CACNA2D4: variants seen among roughly 807,000 people sequenced by gnomAD.
CACNA2D4 encodes calcium voltage-gated channel auxiliary subunit alpha2delta 4.
CACNA2D4 carries 157 observed loss-of-function variants against 163.8 expected under a neutral mutation model. That is an observed-to-expected ratio of 0.96 (90% confidence interval 0.84 to 1.09). CACNA2D4 has a LOEUF of 1.09. CACNA2D4 is among the 50% of genes least tolerant of loss of function. The pLI, the probability that CACNA2D4 is intolerant of heterozygous loss-of-function variation, is 0.00. For missense variants in CACNA2D4, 1,410 were observed against 1,479.9 expected, an observed-to-expected ratio of 0.95 and a Z score of 0.78; for synonymous variants, 598 against 586.9, an observed-to-expected ratio of 1.02 and a Z score of -0.27.
At chr12:1,914,717 C>T in intron 2 of CACNA2D4, 137 bp downstream of exon 2, 1 of 646,328 alleles carries the variant, frequency 1.5e-6, no homozygotes. Flanking sequence ...ATTCACCTCC[C>T]TGGGCCTCAG....
intron 23 of CACNA2D4, among the ~76,000 whole-genome samples, chr12:1,848,028 G>GTC (rs141950879): frequency 0.032 from 4,834 of 152,138 alleles, 243 homozygotes; most frequent in African/African-American, 0.11. Flanking sequence ...TTGTCTGTCT[G>GTC]TCTCTCTCTG....
At position 1,887,043 on chromosome 12, in the gene CACNA2D4, C is replaced by T; in HGVS notation, c.808G>A (p.Gly270Arg). ...TTTCGGCAGTCAAAAGTAATGACTC[C>T]ATTCTCATCAGGTGTCCATTTTATA... ...PGIKWTPDEN[G>R]VITFDCRNRG... The change falls in exon 7 of 38, where the codon GGA becomes AGA. Residue 270 changes from glycine to arginine, a missense_variant. By Grantham distance (125) the Gly-to-Arg change is moderately radical. Coordinates refer to ENST00000382722, the MANE Select transcript of CACNA2D4 (RefSeq NM_172364.5). 6.3e-7 allele frequency: 1 copy of T among 1,595,348 alleles called. No homozygotes were observed. The highest frequency in any genetic ancestry group is 8.6e-7 in the Non-Finnish European group (1 of 1,168,830).
At chr12:1,817,686 G>C (rs1445496895) in intron 26 of CACNA2D4, among the ~76,000 whole-genome samples, 3 of 152,200 alleles carry the variant, frequency 2.0e-5, no homozygotes, top group African/African-American at 7.2e-5. Flanking sequence ...GGGTTTCGCT[G>C]TGTTGGCCGG....
In CACNA2D4 at chr12:1,917,838, C is replaced by T. The variant is rs936255429; in HGVS notation, c.227+409G>A. 2.1e-5 allele frequency: 4 copies of T among 194,748 alleles called. No homozygotes were observed. The highest frequency in any genetic ancestry group is 4.2e-5 in the Non-Finnish European group (4 of 96,166). 12.1% of individuals were successfully genotyped at this position (194,748 alleles called of 1,614,324 possible). A position where few individuals can be genotyped will look rare whatever the true frequency, so the allele number is the denominator to read the frequency against. On this transcript the variant is annotated intron_variant, in intron 1 of 37. Coordinates refer to ENST00000382722, the MANE Select transcript of CACNA2D4 (RefSeq NM_172364.5). The surrounding 1 kb of genome is among the most constrained non-coding windows in gnomAD (Gnocchi z 4.3). ...CCCCTTTTTGGAATGTCAAAATACG[C>T]ATTTCCTGCCAAATGCTTCGGGGAG...
chr12:1,911,956 C>T (rs1474289872), intron 3 of CACNA2D4, among the ~76,000 whole-genome samples: 2 of 152,190 alleles, frequency 1.3e-5, no homozygotes, highest in Non-Finnish European at 1.5e-5. Context: ...CTCTTGAGTC[C>T]CCAGGCATCT....
At chr12:1,842,496 G>A (rs1370732255) in intron 25 of CACNA2D4, among the ~76,000 whole-genome samples, 6 of 152,164 alleles carry the variant, frequency 3.9e-5, no homozygotes, top group Non-Finnish European at 7.4e-5. Context: ...AAGCGTGTGT[G>A]TGCGCTGAGC....
At chr12:1,893,279 G>C (rs1247531796) in intron 6 of CACNA2D4, among the ~76,000 whole-genome samples, 1 of 152,046 alleles carries the variant, frequency 6.6e-6, no homozygotes, top group Middle Eastern at 3.2e-3. Flanking sequence ...GCACTTTGTG[G>C]GGCTGAGGCG....
At chr12:1,819,210 G>A (rs116764973) in intron 26 of CACNA2D4, among the ~76,000 whole-genome samples, 1,537 of 152,226 alleles carry the variant, frequency 0.01, 25 homozygotes, top group African/African-American at 0.035. Flanking sequence ...GGAAGAACAC[G>A]CTTTCATGGA....
intron 26 of CACNA2D4, among the ~76,000 whole-genome samples, chr12:1,818,515 G>T (rs998541000): frequency 7.2e-5 from 11 of 151,788 alleles, no homozygotes; most frequent in African/African-American, 2.7e-4. Context: ...TCCACTCAGG[G>T]TTAAATGGAT....
intron 35 of CACNA2D4, 109 bp downstream of exon 35, chr12:1,797,309 C>T (rs1448318656): frequency 2.5e-5 from 20 of 814,860 alleles, no homozygotes; most frequent in African/African-American, 6.7e-5. Flanking sequence ...ATCCCCTCCT[C>T]CCGGCTGTGG....
intron 14 of CACNA2D4, 92 bp downstream of exon 14, chr12:1,879,712 G>T: frequency 1.9e-6 from 2 of 1,061,764 alleles, no homozygotes; most frequent in Non-Finnish European, 2.8e-6. Flanking sequence ...TGGCTCAGAG[G>T]CACAGCCAAG....
intron 5 of CACNA2D4, 70 bp downstream of exon 5, chr12:1,907,805 T>A (rs1324354919): frequency 1.9e-6 from 3 of 1,538,642 alleles, no homozygotes; most frequent in Non-Finnish European, 1.8e-6. Context: ...GTGTGCCTGG[T>A]GGGCGTGTCT....
chr12:1,799,150 C>A lies in CACNA2D4; in HGVS notation c.2995+525G>T, dbSNP rs1188826275. Among the ~76,000 whole-genome samples, 1 of 152,220 alleles carries A rather than the reference C, an allele frequency of 6.6e-6. No individual in the cohort carries two copies. Among genetic ancestry groups the A allele is most frequent in the Non-Finnish European group, 1.5e-5 (1 of 68,034 alleles). The stretch of plus-strand genomic sequence containing the variant: ...GGCCCAGGCGCCCGGGCAGTGAGTG[C>A]TTTGAAAGGCCAGGCTCATTGCCGC... On this transcript the variant is annotated intron_variant, in intron 34 of 37. Coordinates refer to ENST00000382722, the MANE Select transcript of CACNA2D4 (RefSeq NM_172364.5). The surrounding 1 kb of genome is among the most constrained non-coding windows in gnomAD (Gnocchi z 4.7).
chr12:1,913,504 G>C (rs116219695), intron 2 of CACNA2D4, among the ~76,000 whole-genome samples: 72 of 152,364 alleles, frequency 4.7e-4, no homozygotes, highest in African/African-American at 1.6e-3. Flanking sequence ...CCTTTGTGCA[G>C]AGCCACGCTG....
At chr12:1,858,778 C>T (rs1865458698) in intron 19 of CACNA2D4, 134 bp from the exon 20 acceptor site, 4 of 576,050 alleles carry the variant, frequency 6.9e-6, no homozygotes, top group Non-Finnish European at 1.2e-5. Context: ...GCTCCTCATG[C>T]CCCCTTCTTT....
At chr12:1,884,126 G>A in intron 12 of CACNA2D4, 117 bp downstream of exon 12, 1 of 795,224 alleles carries the variant, frequency 1.3e-6, no homozygotes, top group Non-Finnish European at 2.1e-6. Context: ...TCTTGACATA[G>A]CACTGCTCCT....
At chr12:1,913,789 C>T (rs773175208) in intron 2 of CACNA2D4, among the ~76,000 whole-genome samples, 3 of 152,236 alleles carry the variant, frequency 2.0e-5, no homozygotes, top group Non-Finnish European at 2.9e-5. Context: ...ATTCACCCAG[C>T]TCTGCAATGT....
chr12:1,855,923 C>G, intron 22 of CACNA2D4, 89 bp downstream of exon 22: 1 of 942,540 alleles, frequency 1.1e-6, no homozygotes, highest in Non-Finnish European at 1.7e-6. Context: ...GTGCAGCAGC[C>G]TCCCCCTGCC....
chr12:1,914,591 A>T (rs75346171), intron 2 of CACNA2D4, among the ~76,000 whole-genome samples: 1 of 152,192 alleles, frequency 6.6e-6, no homozygotes, highest in East Asian at 1.9e-4. Context: ...ACCTCCACCC[A>T]GTACATCTGC....
Sources: allele counts gnomAD v4.1 joint callset (sites outside exome capture counted in the v4.1 genomes callset), GRCh38; gene constraint gnomAD v4.1.1; non-coding constraint Gnocchi (gnomAD v3.1); transcripts MANE v1.5; gene names NCBI Gene and HGNC (gene_info 2026-07-23, HGNC 2026-07-21).